The following PRKD2 variants were observed in gnomAD, a reference collection of about 807,000 sequenced individuals.
PRKD2 encodes protein kinase D2, also known as serine/threonine-protein kinase D2.
PRKD2 carries 22 observed loss-of-function variants against 86.0 expected under a neutral mutation model. The observed-to-expected ratio is 0.26, with a 90% CI of 0.18 to 0.37. The LOEUF (loss-of-function observed/expected upper bound fraction) is 0.37, where lower values mean the gene tolerates loss of function less well. PRKD2 is among the 10% of genes least tolerant of loss of function. The pLI is 1.00. For missense variants in PRKD2, 818 were observed against 1,199.2 expected (o/e 0.68, Z 4.70); for synonymous variants, 509 against 510.9 (o/e 1.00, Z 0.05).
Position 46,704,299 on chromosome 19 carries a change from C to T in PRKD2, c.759G>A (p.Leu253=), listed in dbSNP as rs373672004. The T allele has an allele frequency of 5.0e-6, 8 of 1,614,200 alleles. No individual in the cohort carries two copies. Among genetic ancestry groups the T allele is most frequent in the Non-Finnish European group, 5.1e-6 (6 of 1,180,032 alleles). Reference sequence around the variant, plus strand: ...TGACCTTGGAGAGCAGCATCTTGTCCAGCTCAATGGGGCGGCCCGTATACG... The same window carrying T: ...TGACCTTGGAGAGCAGCATCTTGTCTAGCTCAATGGGGCGGCCCGTATACG... ...ASSYTGRPIE[L]DKMLLSKVKV... The change falls in exon 5 of 18, where the codon CTG becomes CTA. Residue 253 remains leucine (L), a synonymous_variant. Coordinates refer to ENST00000291281, the MANE Select transcript of PRKD2 (RefSeq NM_016457.5).
At chr19:46,711,763 A>G (rs533865965) in intron 2 of PRKD2, among the ~76,000 whole-genome samples, 2 of 152,288 alleles carry the variant, frequency 1.3e-5, no homozygotes, top group South Asian at 2.1e-4. Context: ...TACCACCACC[A>G]ACAACAAAAA....
At chr19:46,704,445 G>C (rs1433254825) in intron 4 of PRKD2, 50 bp downstream of exon 4, 1 of 1,613,826 alleles carries the variant, frequency 6.2e-7, no homozygotes. Context: ...CCATGCCTGG[G>C]CCAAGTCACC....
At chr19:46,702,116 G>A (rs1266671693) in intron 5 of PRKD2, among the ~76,000 whole-genome samples, 1 of 146,310 alleles carries the variant, frequency 6.8e-6, no homozygotes, top group East Asian at 2.0e-4. Context: ...TCGGCTCACT[G>A]CAACCTCTGC....
chr19:46,696,926 C>G (rs912986627), intron 9 of PRKD2, among the ~76,000 whole-genome samples: 1 of 152,086 alleles, frequency 6.6e-6, no homozygotes, highest in African/African-American at 2.4e-5. Flanking sequence ...AGGTGAGAAG[C>G]GTGAGGCACT....
At chr19:46,696,692 T>C (rs928153220) in intron 9 of PRKD2, among the ~76,000 whole-genome samples, 1 of 151,608 alleles carries the variant, frequency 6.6e-6, no homozygotes, top group South Asian at 2.1e-4. Flanking sequence ...GAAGCGGAGG[T>C]TGCAGTGAGC....
intron 7 of PRKD2, among the ~76,000 whole-genome samples, chr19:46,699,109 A>G (rs890818705): frequency 2.0e-5 from 3 of 152,008 alleles, no homozygotes; most frequent in African/African-American, 7.3e-5. Context: ...TCCCTGCTGC[A>G]GCTACATGGG....
chr19:46,709,117 T>C (rs1216108300), intron 3 of PRKD2, among the ~76,000 whole-genome samples: 3 of 151,550 alleles, frequency 2.0e-5, no homozygotes, highest in Admixed American at 1.3e-4. Context: ...GCTGGGACTA[T>C]AGGCACATGC....
chr19:46,714,051 C>T (rs1471570637), intron 1 of PRKD2, 50 bp from the exon 2 acceptor site: 1 of 1,593,700 alleles, frequency 6.3e-7, no homozygotes, highest in African/African-American at 1.3e-5. Context: ...GAGCCGCCTT[C>T]AGCAGCGGGC....
chr19:46,713,794 A>T, intron 2 of PRKD2, 69 bp downstream of exon 2: 3 of 1,067,842 alleles, frequency 2.8e-6, no homozygotes, highest in African/African-American at 1.7e-5. Flanking sequence ...AACTCCCCCT[A>T]CCCTCTCCTC....
Position 46,678,719 on chromosome 19 carries a change from G to GC in PRKD2, c.2071-57dup. 6.5e-7 allele frequency: 1 copy of GC among 1,544,944 alleles called. No individual in the cohort carries two copies. Among genetic ancestry groups the GC allele is most frequent in the African/African-American group, 1.4e-5 (1 of 74,014 alleles). On this transcript the variant is annotated intron_variant, in intron 15 of 17. Coordinates refer to ENST00000291281, the MANE Select transcript of PRKD2 (RefSeq NM_016457.5). This position sits in a 1 kb window ranked among gnomAD's most constrained non-coding sequence, Gnocchi z 5.7. Reference sequence around the variant, plus strand: ...AGGTGATGGAGCCGCACCCACCCCAGCATCCCCACCACACCACCCTCCATG... The same window carrying GC: ...AGGTGATGGAGCCGCACCCACCCCAGCCATCCCCACCACACCACCCTCCATG...
At chr19:46,684,205 TC>T (rs2053361118) in intron 14 of PRKD2, among the ~76,000 whole-genome samples, 1 of 151,886 alleles carries the variant, frequency 6.6e-6, no homozygotes, top group Non-Finnish European at 1.5e-5. Context: ...CAAATGATCT[TC>T]CCACCTCAGC....
At chr19:46,710,866 A>AGCCCCGCCCCAG in intron 3 of PRKD2, 41 bp downstream of exon 3, 1 of 1,517,974 alleles carries the variant, frequency 6.6e-7, no homozygotes, top group Non-Finnish European at 8.9e-7. Context: ...CCCGGTGCAG[A>AGCCCCGCCCCAG]GCCCCGCCCC....
chr19:46,692,457 C>T (rs2053497358), intron 10 of PRKD2, among the ~76,000 whole-genome samples: 1 of 152,060 alleles, frequency 6.6e-6, no homozygotes, highest in Admixed American at 6.6e-5. Context: ...TCTCTTCCAC[C>T]AGTCTAGGCC....
intron 12 of PRKD2, among the ~76,000 whole-genome samples, chr19:46,691,058 T>C (rs1327951320): frequency 6.6e-6 from 1 of 152,108 alleles, no homozygotes; most frequent in Non-Finnish European, 1.5e-5. Flanking sequence ...GACCATATTA[T>C]ACAGAGAAGG....
Position 46,716,002 on chromosome 19 carries a change from C to T in PRKD2, c.240+129G>A, listed in dbSNP as rs2053876600. ...GGGCAATGGAGGGGGGCAATGCCCC[C>T]TATCCCTCCATCACCCAAAGCTCAG... On this transcript the variant is annotated intron_variant, in intron 1 of 17. Transcript: ENST00000291281. The surrounding 1 kb of genome is among the most constrained non-coding windows in gnomAD (Gnocchi z 7.9). 7.3e-7 allele frequency: 1 copy of T among 1,377,172 alleles called. No homozygotes were observed. The highest frequency in any genetic ancestry group is 9.6e-7 in the Non-Finnish European group (1 of 1,040,932). The allele number at this position is 1,377,172 out of a possible 1,614,324, so 85.3% of individuals were successfully genotyped here.
chr19:46,713,831 G>GC, intron 2 of PRKD2, 32 bp downstream of exon 2: 6 of 1,422,156 alleles, frequency 4.2e-6, no homozygotes, highest in South Asian at 4.0e-5. Context: ...CCCACCCGAG[G>GC]CCCCGCCCCC....
intron 2 of PRKD2, among the ~76,000 whole-genome samples, chr19:46,713,592 C>A (rs1461927974): frequency 1.3e-5 from 2 of 151,914 alleles, no homozygotes; most frequent in Non-Finnish European, 2.9e-5. Context: ...CTGTAACCAT[C>A]TTCCAGAAGC....
chr19:46,681,120 AT>A (rs925001887), intron 15 of PRKD2, among the ~76,000 whole-genome samples: 2 of 146,416 alleles, frequency 1.4e-5, no homozygotes, highest in Non-Finnish European at 3.0e-5. Flanking sequence ...CGCCCCGCTA[AT>A]TTTTTTTTGT....
At chr19:46,677,706 C>T (rs147410307) in intron 16 of PRKD2, among the ~76,000 whole-genome samples, 3,277 of 152,260 alleles carry the variant, frequency 0.022, 75 homozygotes, top group Middle Eastern at 0.027. Flanking sequence ...AACACCAAAG[C>T]CCCAGAATGC....
Sources: gnomAD v4.1 joint callset for allele counts (sites outside exome capture counted in the v4.1 genomes callset) on GRCh38, gnomAD v4.1.1 for gene constraint, Gnocchi (gnomAD v3.1) non-coding constraint, MANE v1.5 for transcripts, NCBI Gene and HGNC (gene_info 2026-07-23, HGNC 2026-07-21) for gene names.